Variants in OSTN observed in about 807,000 individuals in gnomAD.
The protein encoded by OSTN is osteocrin.
In OSTN, 9 loss-of-function variants were observed where a neutral mutation model predicts 12.0. The observed-to-expected ratio is 0.75, with a 90% CI of 0.45 to 1.30. The LOEUF (loss-of-function observed/expected upper bound fraction) is 1.30, where lower values mean the gene tolerates loss of function less well. Among genes scored for constraint, OSTN ranks in the 50% most tolerant of loss-of-function variants. The pLI is 0.00. For missense variants in OSTN, 148 were observed against 152.3 expected (o/e 0.97, Z 0.15); for synonymous variants, 59 against 56.9 (o/e 1.04, Z -0.16).
At chr3:191,231,881 GA>G (rs1412317862) in intron 3 of OSTN, among the ~76,000 whole-genome samples, 2 of 152,104 alleles carry the variant, frequency 1.3e-5, no homozygotes, top group East Asian at 3.8e-4. Context: ...ATTGTTTTTA[GA>G]GTGATAGAAT....
chr3:191,211,851 G>T (rs1293610068), intron 1 of OSTN, among the ~76,000 whole-genome samples: 1 of 151,852 alleles, frequency 6.6e-6, no homozygotes, highest in Non-Finnish European at 1.5e-5. Flanking sequence ...TATTTAAAGG[G>T]TTCATTTACA....
At chr3:191,219,622 A>T (rs1714713099) in intron 3 of OSTN, among the ~76,000 whole-genome samples, 1 of 152,190 alleles carries the variant, frequency 6.6e-6, no homozygotes, top group Admixed American at 6.5e-5. Flanking sequence ...ATTTAAAGTA[A>T]TCATTCCAAA....
At chr3:191,242,868 G>A (rs1173919533) in intron 3 of OSTN, among the ~76,000 whole-genome samples, 2 of 151,832 alleles carry the variant, frequency 1.3e-5, no homozygotes, top group African/African-American at 4.8e-5. Context: ...TCACAATAAA[G>A]AAGATGAATC....
Position 191,262,956 on chromosome 3 carries a change from C to T in OSTN, c.*103C>T, listed in dbSNP as rs983225211. ...TCTTAATGATTAAACTTTTAAGGAA[C>T]TGACCTTCTGCAAATCCTTTCCAAA... is the stretch of plus-strand genomic sequence containing the variant. On this transcript the variant is annotated 3_prime_UTR_variant, in exon 5 of 5. Transcript: ENST00000682035. The T allele has an allele frequency of 4.3e-6, 3 of 692,596 alleles. No homozygotes were observed. Among genetic ancestry groups the T allele is most frequent in the Non-Finnish European group, 7.9e-6 (3 of 378,346 alleles). 42.9% of individuals were successfully genotyped at this position (692,596 alleles called of 1,614,324 possible).
chr3:191,255,239 C>T (rs1313702460), intron 4 of OSTN, among the ~76,000 whole-genome samples: 1 of 152,188 alleles, frequency 6.6e-6, no homozygotes, highest in African/African-American at 2.4e-5. Context: ...GAAGGTGGAG[C>T]TCAGGTGGTA....
intron 2 of OSTN, among the ~76,000 whole-genome samples, chr3:191,214,436 CAAAAAAA>C (rs71298518): frequency 5.7e-3 from 110 of 19,342 alleles, no homozygotes; most frequent in African/African-American, 0.012. Flanking sequence ...GACTCCATCT[CAAAAAAA>C]AAAAAAAAAA....
chr3:191,251,003 G>A (rs1254488000), intron 4 of OSTN, among the ~76,000 whole-genome samples: 1 of 151,924 alleles, frequency 6.6e-6, no homozygotes, highest in East Asian at 1.9e-4. Flanking sequence ...GCTAGCTATG[G>A]GAACTTATTT....
At chr3:191,214,670 G>C (rs1416005211) in intron 2 of OSTN, among the ~76,000 whole-genome samples, 1 of 152,074 alleles carries the variant, frequency 6.6e-6, no homozygotes, top group African/African-American at 2.4e-5. Flanking sequence ...CTACTCTTTT[G>C]TTCTACTGGA....
intron 3 of OSTN, among the ~76,000 whole-genome samples, chr3:191,247,902 C>T (rs1715470040): frequency 6.6e-6 from 1 of 152,152 alleles, no homozygotes; most frequent in Admixed American, 6.5e-5. Context: ...GGTGCGATCT[C>T]GGCTCACTGC....
intron 3 of OSTN, 131 bp downstream of exon 3, chr3:191,219,092 C>A: frequency 1.2e-6 from 1 of 822,292 alleles, no homozygotes; most frequent in Non-Finnish European, 1.9e-6. Context: ...GGTATGTTAG[C>A]TAATCTGTAG....
Position 191,264,461 on chromosome 3 carries a change from T to A in OSTN, c.*1608T>A, listed in dbSNP as rs1158749443. On this transcript the variant is annotated 3_prime_UTR_variant, in exon 5 of 5. Transcript: ENST00000682035. ...AAATTGAAAGTCTTCAAAATTAATT[T>A]AGGAAAAATAGTAAATAATTTTTTT... is the stretch of plus-strand genomic sequence containing the variant. 1 of 152,158 alleles carries A rather than the reference T, an allele frequency of 6.6e-6. No homozygotes were observed. The highest frequency in any genetic ancestry group is 6.5e-5 in the Admixed American group (1 of 15,282). 9.4% of individuals were successfully genotyped at this position (152,158 alleles called of 1,614,324 possible). A position where few individuals can be genotyped will look rare whatever the true frequency, so the allele number is the denominator to read the frequency against.
intron 3 of OSTN, among the ~76,000 whole-genome samples, chr3:191,220,896 A>G (rs1388188993): frequency 6.6e-6 from 1 of 152,174 alleles, no homozygotes; most frequent in East Asian, 1.9e-4. Flanking sequence ...TATATAATTT[A>G]CATTGAAACT....
Position 191,264,255 on chromosome 3 carries a change from T to C in OSTN, c.*1402T>C, listed in dbSNP as rs1196124878. The C allele has an allele frequency of 6.6e-6, 1 of 151,728 alleles. No homozygotes were observed. The highest frequency in any genetic ancestry group is 1.5e-5 in the Non-Finnish European group (1 of 67,950). 9.4% of individuals were successfully genotyped at this position (151,728 alleles called of 1,614,324 possible). On this transcript the variant is annotated 3_prime_UTR_variant, in exon 5 of 5. Coordinates refer to ENST00000682035, the MANE Select transcript of OSTN (RefSeq NM_198184.2). ...CTCAAAGAAACATAACAAAAATATA[T>C]TAGAAAAAGAGTTAAACTAAGAAAT...
At chr3:191,236,458 T>G (rs770021112) in intron 3 of OSTN, among the ~76,000 whole-genome samples, 1 of 151,726 alleles carries the variant, frequency 6.6e-6, no homozygotes, top group Admixed American at 6.6e-5. Flanking sequence ...AACAAAAAAA[T>G]GCCTACTCCA....
At chr3:191,205,429 G>A (rs1394635318) in intron 1 of OSTN, among the ~76,000 whole-genome samples, 2 of 130,760 alleles carry the variant, frequency 1.5e-5, no homozygotes, top group Non-Finnish European at 3.2e-5. Context: ...TTGGAGTCAC[G>A]TCAAGTAAAA....
chr3:191,215,623 G>T (rs1714589305), intron 2 of OSTN, among the ~76,000 whole-genome samples: 1 of 152,102 alleles, frequency 6.6e-6, no homozygotes, highest in African/African-American at 2.4e-5. Context: ...AAAACAAAGG[G>T]GCCACAGACC....
intron 3 of OSTN, among the ~76,000 whole-genome samples, chr3:191,227,121 T>A (rs1714932176): frequency 1.3e-5 from 2 of 149,472 alleles, no homozygotes. Flanking sequence ...GGTTACTATA[T>A]TTAATAAAGA....
chr3:191,232,921 G>C (rs979892293), intron 3 of OSTN, among the ~76,000 whole-genome samples: 13 of 151,998 alleles, frequency 8.6e-5, no homozygotes, highest in African/African-American at 3.1e-4. Context: ...GGTCATAAAT[G>C]CTATCTTTCA....
At chr3:191,240,857 G>A (rs571513065) in intron 3 of OSTN, among the ~76,000 whole-genome samples, 44 of 152,378 alleles carry the variant, frequency 2.9e-4, no homozygotes, top group African/African-American at 1.0e-3. Flanking sequence ...GCCGGAATAA[G>A]TGATCCAACA....
Sources: gnomAD v4.1 joint callset for allele counts (sites outside exome capture counted in the v4.1 genomes callset) on GRCh38, gnomAD v4.1.1 for gene constraint, MANE v1.5 for transcripts, NCBI Gene and HGNC (gene_info 2026-07-23, HGNC 2026-07-21) for gene names.